The following METTL15 variants were observed in gnomAD, a reference collection of about 807,000 sequenced individuals.
METTL15 encodes the protein 12S rRNA N(4)-cytidine methyltransferase METTL15.
A neutral mutation model predicts 38.3 loss-of-function variants in METTL15; 34 were observed. That is an observed-to-expected ratio of 0.89 (90% CI 0.68 to 1.18). The LOEUF is 1.18. Among genes scored for constraint, METTL15 ranks in the 50% most tolerant of loss-of-function variants. The pLI is 0.00. For synonymous variants in METTL15, 162 were observed against 170.9 expected, an observed-to-expected ratio of 0.95 and a Z score of 0.41; for missense variants, 438 against 498.4, an observed-to-expected ratio of 0.88 and a Z score of 1.15.
chr11:28,231,932 A>G (rs1853701689), intron 4 of METTL15, among the ~76,000 whole-genome samples: 1 of 151,900 alleles, frequency 6.6e-6, no homozygotes, highest in Non-Finnish European at 1.5e-5. Context: ...ACCCTGGCAT[A>G]TAGTACATAC....
intron 6 of METTL15, among the ~76,000 whole-genome samples, chr11:28,437,285 C>T (rs946699360): frequency 1.3e-5 from 2 of 152,200 alleles, no homozygotes; most frequent in African/African-American, 4.8e-5. Context: ...AACTCCCTTT[C>T]ATATCTACAT....
rs1849859736 is a variant in METTL15 at position 28,333,040 on chromosome 11, GA to G, written c.*2201del. 6.7e-6 allele frequency: 1 copy of G among 149,584 alleles called. No individual in the cohort carries two copies. Among genetic ancestry groups the G allele is most frequent in the Non-Finnish European group, 1.5e-5 (1 of 67,700 alleles). 9.3% of individuals were successfully genotyped at this position (149,584 alleles called of 1,614,324 possible). On this transcript the variant is annotated 3_prime_UTR_variant, in exon 7 of 7. Coordinates refer to ENST00000407364, the MANE Select transcript of METTL15 (RefSeq NM_001113528.2). ...GAGTGATACATTGTGGGAACCCTCA[GA>G]AGATAGGAAAAAAGCATGGAATAGA...
At chr11:28,274,053 A>G in intron 4 of METTL15, among the ~76,000 whole-genome samples, 1 of 152,066 alleles carries the variant, frequency 6.6e-6, no homozygotes. Context: ...TATTCACAGG[A>G]ATAAAACTCA....
chr11:28,206,047 T>C (rs1852327858), intron 3 of METTL15, among the ~76,000 whole-genome samples: 1 of 142,342 alleles, frequency 7.0e-6, no homozygotes, highest in East Asian at 2.1e-4. Flanking sequence ...TTTTCTGCCA[T>C]TCTGTAGGTT....
At chr11:28,457,988 C>T (rs4923541) in intron 6 of METTL15, among the ~76,000 whole-genome samples, 61,594 of 152,052 alleles carry the variant, frequency 0.41, 14,291 homozygotes, top group Admixed American at 0.52. Context: ...AAAGCTCCCC[C>T]TCAGGGCATC....
intron 6 of METTL15, among the ~76,000 whole-genome samples, chr11:28,525,972 G>C (rs1334916393): frequency 2.0e-5 from 3 of 152,232 alleles, no homozygotes; most frequent in Non-Finnish European, 1.5e-5. Context: ...GGCCCGGCGA[G>C]AAATTGAGCA....
intron 4 of METTL15, among the ~76,000 whole-genome samples, chr11:28,268,130 GA>G (rs1034197326): frequency 7.0e-6 from 1 of 142,838 alleles, no homozygotes; most frequent in African/African-American, 2.6e-5. Context: ...CCGAGAGGCG[GA>G]GCTTGCAGTG....
chr11:28,292,120 C>T (rs1856541158), intron 5 of METTL15, among the ~76,000 whole-genome samples: 1 of 151,588 alleles, frequency 6.6e-6, no homozygotes, highest in African/African-American at 2.4e-5. Flanking sequence ...AGGTTAGTTA[C>T]ATATGTATAC....
At chr11:28,211,845 C>T (rs1852655743) in intron 4 of METTL15, among the ~76,000 whole-genome samples, 1 of 151,922 alleles carries the variant, frequency 6.6e-6, no homozygotes, top group African/African-American at 2.4e-5. Flanking sequence ...ATGGCTCTCT[C>T]CAAATACATA....
rs979235271 is a variant in METTL15, at chr11:28,253,906, A to G, written c.408-36300A>G. Among the ~76,000 whole-genome samples, 9 of 152,116 alleles carry G rather than the reference A, an allele frequency of 5.9e-5. 1 individual carries two copies. The highest frequency in any genetic ancestry group is 5.9e-4 in the Admixed American group (9 of 15,276). ...TGTTGATGGACACTTGGTTGCTTCC[A>G]AATCTTGGCTATTCTGAACAGTGCT... is the stretch of plus-strand genomic sequence containing the variant. On this transcript the variant is annotated intron_variant, in intron 4 of 6. Transcript: ENST00000407364.
chr11:28,181,964 A>G (rs1851306301), intron 3 of METTL15, among the ~76,000 whole-genome samples: 2 of 152,086 alleles, frequency 1.3e-5, no homozygotes, highest in Admixed American at 6.6e-5. Flanking sequence ...CTGGTGTGAG[A>G]TGATATCTTG....
chr11:28,154,684 T>C (rs544679539), intron 3 of METTL15, among the ~76,000 whole-genome samples: 2 of 152,246 alleles, frequency 1.3e-5, no homozygotes, highest in South Asian at 4.1e-4. Flanking sequence ...TAAAATAGAA[T>C]AATAAGAACT....
chr11:28,124,085 A>G (rs1852366176), intron 3 of METTL15, among the ~76,000 whole-genome samples: 1 of 152,174 alleles, frequency 6.6e-6, no homozygotes, highest in Admixed American at 6.6e-5. Context: ...GGAAAGAAGG[A>G]CAGGAAATGT....
At chr11:28,174,298 ATAGT>A (rs71050946) in intron 3 of METTL15, among the ~76,000 whole-genome samples, 57,107 of 151,654 alleles carry the variant, frequency 0.38, 12,272 homozygotes, top group African/African-American at 0.59. Context: ...ATTTTGAATC[ATAGT>A]TAGTGAGATT....
At chr11:28,245,199 A>G (rs1248560186) in intron 4 of METTL15, among the ~76,000 whole-genome samples, 1 of 152,156 alleles carries the variant, frequency 6.6e-6, no homozygotes, top group East Asian at 1.9e-4. Flanking sequence ...ACCCTTACTC[A>G]CTGTGTGACT....
At chr11:28,207,850 G>A (rs954187203) in intron 3 of METTL15, among the ~76,000 whole-genome samples, 3 of 152,118 alleles carry the variant, frequency 2.0e-5, no homozygotes, top group African/African-American at 7.2e-5. Flanking sequence ...GGGTGTATGT[G>A]TCAAGGAATT....
chr11:28,401,752 C>A (rs549655760), intron 5 of METTL15, among the ~76,000 whole-genome samples: 73 of 151,956 alleles, frequency 4.8e-4, no homozygotes, highest in Non-Finnish European at 8.8e-4. Flanking sequence ...TAAAAAAAAA[C>A]CACTACTCCT....
chr11:28,399,528 C>CAAA (rs2133402731), intron 5 of METTL15, among the ~76,000 whole-genome samples: 1 of 151,956 alleles, frequency 6.6e-6, no homozygotes, highest in South Asian at 2.1e-4. Context: ...GATTTTTAAA[C>CAAA]AATCATTTAT....
chr11:28,439,085 A>G (rs1851010342), intron 6 of METTL15, among the ~76,000 whole-genome samples: 1 of 151,968 alleles, frequency 6.6e-6, no homozygotes, highest in South Asian at 2.1e-4. Flanking sequence ...CAGAGGCAGA[A>G]AAGTGGAAGC....
Sources: allele counts gnomAD v4.1 joint callset (sites outside exome capture counted in the v4.1 genomes callset), GRCh38; gene constraint gnomAD v4.1.1; transcripts MANE v1.5; gene names NCBI Gene and HGNC (gene_info 2026-07-23, HGNC 2026-07-21).